Variants in CREB5 observed in about 807,000 individuals in gnomAD.
The protein encoded by CREB5 is cAMP responsive element binding protein 5.
Under a neutral mutation model 57.1 loss-of-function variants are expected in CREB5, and 19 were observed. The observed-to-expected ratio is 0.33, with a 90% CI of 0.23 to 0.49. The LOEUF (loss-of-function observed/expected upper bound fraction) is 0.49, where lower values mean the gene tolerates loss of function less well. Among genes scored for constraint, CREB5 ranks in the 20% least tolerant of loss-of-function variants. The pLI is 0.99. For missense variants in CREB5, 579 were observed against 671.6 expected (o/e 0.86, Z 1.52); for synonymous variants, 238 against 238.3 (o/e 1.00, Z 0.01).
chr7:28,405,577 T>C (rs569919547), intron 1 of CREB5, among the ~76,000 whole-genome samples: 1 of 152,210 alleles, frequency 6.6e-6, no homozygotes, highest in South Asian at 2.1e-4. Flanking sequence ...CATGCCTGGC[T>C]AATTTTTAAA....
intron 5 of CREB5, among the ~76,000 whole-genome samples, chr7:28,635,127 GC>G: frequency 6.6e-6 from 1 of 152,160 alleles, no homozygotes; most frequent in Non-Finnish European, 1.5e-5. Context: ...TAGTAGAGAA[GC>G]TAGGAGGCCA....
chr7:28,343,548 A>C (rs973560355), intron 1 of CREB5, among the ~76,000 whole-genome samples: 7 of 150,902 alleles, frequency 4.6e-5, no homozygotes, highest in African/African-American at 1.7e-4. Context: ...TTTAATGGCC[A>C]AATCATATTC....
upstream of CREB5, chr7:28,409,716 C>T (rs1306515405): frequency 5.9e-6 from 2 of 340,752 alleles, no homozygotes; most frequent in Non-Finnish European, 1.1e-5. The surrounding 1 kb of genome is among the most constrained non-coding windows in gnomAD (Gnocchi z 4.4). Flanking sequence ...CCTGAGGCCA[C>T]CCTAGAGACC....
chr7:28,403,180 T>A (rs1787510449), intron 1 of CREB5, among the ~76,000 whole-genome samples: 1 of 152,330 alleles, frequency 6.6e-6, no homozygotes, highest in East Asian at 1.9e-4. Context: ...AGTGCAGATT[T>A]GTTAACCTAA....
intron 5 of CREB5, among the ~76,000 whole-genome samples, chr7:28,657,823 G>A (rs1180634146): frequency 1.3e-5 from 2 of 151,934 alleles, no homozygotes; most frequent in Non-Finnish European, 2.9e-5. Flanking sequence ...CAAGCCAGCT[G>A]CTTAGATATA....
intron 5 of CREB5, among the ~76,000 whole-genome samples, chr7:28,688,060 A>T (rs1284972183): frequency 1.3e-5 from 2 of 152,244 alleles, no homozygotes; most frequent in African/African-American, 4.8e-5. Flanking sequence ...TTTTCAGAGA[A>T]AAGTACATTT....
chr7:28,418,936 T>G (rs762189604), intron 1 of CREB5, among the ~76,000 whole-genome samples: 9 of 152,238 alleles, frequency 5.9e-5, no homozygotes, highest in Non-Finnish European at 1.2e-4. Context: ...AATAACATTC[T>G]TTCGGGTGCT....
intron 1 of CREB5, among the ~76,000 whole-genome samples, chr7:28,373,864 G>A (rs569741591): frequency 4.9e-4 from 74 of 151,268 alleles, no homozygotes; most frequent in African/African-American, 1.8e-3. Flanking sequence ...ATAAAATGCC[G>A]CCAGTGAACC....
intron 5 of CREB5, among the ~76,000 whole-genome samples, chr7:28,629,127 C>T (rs2128691736): frequency 6.6e-6 from 1 of 152,332 alleles, no homozygotes; most frequent in Middle Eastern, 3.4e-3. Flanking sequence ...AAAACACTCA[C>T]AGGTTGTTGT....
At chr7:28,755,158 A>C (rs755516039) in intron 7 of CREB5, among the ~76,000 whole-genome samples, 1 of 152,198 alleles carries the variant, frequency 6.6e-6, no homozygotes, top group Non-Finnish European at 1.5e-5. Context: ...AGCCAAGAGA[A>C]AGTGCTTTAG....
intron 4 of CREB5, among the ~76,000 whole-genome samples, chr7:28,520,312 T>C (rs1459592457): frequency 6.6e-6 from 1 of 152,234 alleles, no homozygotes; most frequent in East Asian, 1.9e-4. Context: ...TGCCTCAGGC[T>C]TTTGGGAGGC....
At chr7:28,532,112 G>A (rs1793755912) in intron 4 of CREB5, among the ~76,000 whole-genome samples, 1 of 152,178 alleles carries the variant, frequency 6.6e-6, no homozygotes, top group South Asian at 2.1e-4. Flanking sequence ...GTGAAACAGG[G>A]TTCTGTAGGG....
At chr7:28,405,274 T>C (rs1367695633) in intron 1 of CREB5, among the ~76,000 whole-genome samples, 1 of 152,224 alleles carries the variant, frequency 6.6e-6, no homozygotes, top group African/African-American at 2.4e-5. Context: ...TCCCCATCAC[T>C]GTTAATTTAG....
intron 1 of CREB5, among the ~76,000 whole-genome samples, chr7:28,427,302 G>A (rs934440450): frequency 1.3e-5 from 2 of 151,982 alleles, no homozygotes; most frequent in African/African-American, 4.8e-5. Context: ...TTTTCATGTC[G>A]CTACATAGTT....
Position 28,488,239 on chromosome 7 carries a change from G to T in CREB5, c.68G>T (p.Cys23Phe). The T allele has an allele frequency of 6.2e-7, 1 of 1,613,582 alleles. No homozygotes were observed. The highest frequency in any genetic ancestry group is 1.1e-5 in the South Asian group (1 of 91,018). The change falls in exon 2 of 11, where the codon TGC (cysteine) becomes TTC (phenylalanine). Residue 23 changes from cysteine to phenylalanine, a missense_variant. Coordinates refer to ENST00000357727, the MANE Select transcript of CREB5 (RefSeq NM_182898.4). The part of the protein sequence containing the change: ...ERPFVCSAPG[C>F]SQRFPTEDHL... ...CCGTTTGTCTGCAGTGCCCCAGGCT[G>T]CTCCCAGGTGAGTGTGCGGATCCTC...
Position 28,718,740 on chromosome 7 carries a change from T to C in CREB5, c.465-13T>C. ...CCAGGAATCATGTTTGTTTGTTTTT[T>C]TCTTTGTCCCAGGCCTGTCCCAGGC... On this transcript the variant is annotated splice_polypyrimidine_tract_variant and intron_variant, in intron 5 of 10. Coordinates refer to ENST00000357727, the MANE Select transcript of CREB5 (RefSeq NM_182898.4). The C allele has an allele frequency of 6.2e-7, 1 of 1,613,278 alleles. No individual in the cohort carries two copies. The highest frequency in any genetic ancestry group is 1.1e-5 in the South Asian group (1 of 91,066).
chr7:28,626,948 T>TC (rs1424347498), intron 5 of CREB5, among the ~76,000 whole-genome samples: 4 of 152,158 alleles, frequency 2.6e-5, no homozygotes, highest in Non-Finnish European at 5.9e-5. Context: ...GGGTTTTTTT[T>TC]CTCATCTGTT....
At position 28,412,676 on chromosome 7, in the gene CREB5, A is replaced by G; in HGVS notation, c.-239A>G. ...CTAAAAGAAACTTAGAGAACGAGGG[A>G]GGTACCAGAGTCTAGGAGGTACCTC... is the stretch of plus-strand genomic sequence containing the variant. On this transcript the variant is annotated 5_prime_UTR_variant, in exon 1 of 11. Coordinates refer to ENST00000357727, the MANE Select transcript of CREB5 (RefSeq NM_182898.4). The G allele has an allele frequency of 2.6e-6, 1 of 380,928 alleles. No individual in the cohort carries two copies. Among genetic ancestry groups the G allele is most frequent in the Non-Finnish European group, 4.7e-6 (1 of 214,886 alleles). 23.6% of individuals were successfully genotyped at this position (380,928 alleles called of 1,614,324 possible).
intron 5 of CREB5, among the ~76,000 whole-genome samples, chr7:28,671,888 C>T (rs1169404427): frequency 6.6e-6 from 1 of 152,110 alleles, no homozygotes; most frequent in African/African-American, 2.4e-5. Flanking sequence ...TAGTACATTG[C>T]TTGGCATTTA....
Sources: gnomAD v4.1 joint callset for allele counts (sites outside exome capture counted in the v4.1 genomes callset) on GRCh38, gnomAD v4.1.1 for gene constraint, Gnocchi (gnomAD v3.1) non-coding constraint, MANE v1.5 for transcripts, NCBI Gene and HGNC (gene_info 2026-07-23, HGNC 2026-07-21) for gene names.